The following CORO2B variants were observed in gnomAD, a reference collection of about 807,000 sequenced individuals.
CORO2B encodes coronin 2B.
In CORO2B, 26 loss-of-function variants were observed where a neutral mutation model predicts 58.8. The ratio of observed to expected loss-of-function variants is 0.44; its 90% CI spans 0.32 to 0.61. The LOEUF (loss-of-function observed/expected upper bound fraction) is 0.61. Among genes scored for constraint, CORO2B ranks in the 20% least tolerant of loss-of-function variants. The pLI is 0.04. For missense variants in CORO2B, 460 were observed against 645.1 expected, an observed-to-expected ratio of 0.71 and a Z score of 3.11; for synonymous variants, 242 against 253.8, an observed-to-expected ratio of 0.95 and a Z score of 0.44.
At chr15:68,562,145 T>C in the CORO2B span, among the ~76,000 whole-genome samples, 1 of 152,148 alleles carries the variant, frequency 6.6e-6, no homozygotes, top group African/African-American at 2.4e-5. Flanking sequence ...GGCAGTCCAG[T>C]CTGGAAGAAG....
At chr15:68,626,388 A>AGTGGCGGGCGCC (rs1417328437) in intron 1 of CORO2B, among the ~76,000 whole-genome samples, 1 of 151,630 alleles carries the variant, frequency 6.6e-6, no homozygotes, top group African/African-American at 2.4e-5. Context: ...TTGGCAACTA[A>AGTGGCGGGCGCC]TTTAGAACAT....
Position 68,579,014 on chromosome 15 carries a change from G to C in CORO2B, c.-249G>C. The stretch of plus-strand genomic sequence containing the variant: ...CTTTCTTCCTGCCTCGCCTTCCTGC[G>C]GCGAAGGAGGCTCATCTATTATAAA... On this transcript the variant is annotated 5_prime_UTR_variant, in exon 1 of 12. Transcript: ENST00000261861. 1 of 984,206 alleles carries C rather than the reference G, an allele frequency of 1.0e-6. No individual in the cohort carries two copies. Among genetic ancestry groups the C allele is most frequent in the Non-Finnish European group, 1.2e-6 (1 of 829,672 alleles). 61.0% of individuals were successfully genotyped at this position (984,206 alleles called of 1,614,324 possible).
the CORO2B span, among the ~76,000 whole-genome samples, chr15:68,540,131 C>T: frequency 9.8e-5 from 15 of 152,304 alleles, no homozygotes; most frequent in Non-Finnish European, 1.9e-4. Flanking sequence ...CATTAAAATC[C>T]ATTTGTCAAC....
chr15:68,658,449 A>T (rs1353568563), intron 2 of CORO2B, among the ~76,000 whole-genome samples: 4 of 152,272 alleles, frequency 2.6e-5, no homozygotes, highest in Non-Finnish European at 4.4e-5. Context: ...CCTAGGCCAG[A>T]TAACAACCTG....
At chr15:68,527,821 G>A in the CORO2B span, among the ~76,000 whole-genome samples, 1 of 152,064 alleles carries the variant, frequency 6.6e-6, no homozygotes, top group Non-Finnish European at 1.5e-5. Flanking sequence ...GCAGTATTTT[G>A]TAGTTTTCAA....
intron 2 of CORO2B, among the ~76,000 whole-genome samples, chr15:68,685,754 TTTAA>T (rs1902948743): frequency 2.1e-5 from 1 of 47,294 alleles, no homozygotes; most frequent in Non-Finnish European, 6.5e-5. Flanking sequence ...TAAATTGATA[TTTAA>T]TTGTTTGATT....
the CORO2B span, among the ~76,000 whole-genome samples, chr15:68,573,936 G>A: frequency 1.3e-5 from 2 of 152,126 alleles, no homozygotes; most frequent in African/African-American, 4.8e-5. Flanking sequence ...GATACCTAAG[G>A]AAAGACTGAA....
chr15:68,678,439 C>T (rs373947201), intron 2 of CORO2B, among the ~76,000 whole-genome samples: 1 of 152,032 alleles, frequency 6.6e-6, no homozygotes, highest in Non-Finnish European at 1.5e-5. Flanking sequence ...TTTGGGAGGC[C>T]GACTTGGGCA....
At chr15:68,533,507 T>C in the CORO2B span, among the ~76,000 whole-genome samples, 4 of 152,290 alleles carry the variant, frequency 2.6e-5, no homozygotes, top group Admixed American at 6.5e-5. Context: ...GACTCACCAA[T>C]GTTGTTGACA....
intron 3 of CORO2B, among the ~76,000 whole-genome samples, chr15:68,696,495 G>A (rs981261936): frequency 1.5e-4 from 23 of 149,310 alleles, no homozygotes; most frequent in Admixed American, 1.3e-3. Flanking sequence ...GTTGCAGTGA[G>A]CTGAGATCGT....
chr15:68,525,862 G>A, the CORO2B span, among the ~76,000 whole-genome samples: 1 of 152,140 alleles, frequency 6.6e-6, no homozygotes, highest in African/African-American at 2.4e-5. Context: ...TCAAAATCAA[G>A]ATATAAAACA....
Position 68,645,345 on chromosome 15 carries a change from C to T in CORO2B, c.201C>T (p.Val67=). The T allele has an allele frequency of 1.9e-6, 3 of 1,611,630 alleles. No individual in the cohort carries two copies. The highest frequency in any genetic ancestry group is 2.5e-6 in the Non-Finnish European group (3 of 1,179,980). The change falls in exon 2 of 12, where the codon GTC becomes GTT. Residue 67 remains valine (V), a synonymous_variant. Transcript: ENST00000261861. This position sits in a 1 kb window ranked among gnomAD's most constrained non-coding sequence, Gnocchi z 4.5. ...GCGCAGGGGGCGGCTCCTTCCTCGT[C>T]ATCCCCCTGGAGCAGGTAGGTGGCC... is the stretch of plus-strand genomic sequence containing the variant. ...TESAGGGSFL[V]IPLEQTGRIE... is the part of the protein sequence containing the mutation.
chr15:68,632,192 C>T (rs1900857379), intron 1 of CORO2B: 4 of 985,450 alleles, frequency 4.1e-6, no homozygotes, highest in Non-Finnish European at 3.6e-6. Context: ...TGTGGCATAA[C>T]TCCTTGGGCG....
At chr15:68,723,112 C>T (rs1893203501) in intron 11 of CORO2B, among the ~76,000 whole-genome samples, 1 of 128,502 alleles carries the variant, frequency 7.8e-6, no homozygotes, top group Admixed American at 9.8e-5. Context: ...ATGATACATA[C>T]ATTCTTTTTT....
At chr15:68,724,036 T>C (rs964774499) in intron 11 of CORO2B, among the ~76,000 whole-genome samples, 8 of 151,974 alleles carry the variant, frequency 5.3e-5, no homozygotes, top group Non-Finnish European at 1.2e-4. Flanking sequence ...ACCCCGTCTC[T>C]ACTAAAAATA....
Position 68,727,601 on chromosome 15 carries a change from CT to C in CORO2B, c.*1630del, listed in dbSNP as rs1178312368. The C allele has an allele frequency of 1.3e-5, 2 of 152,692 alleles. No individual in the cohort carries two copies. Among genetic ancestry groups the C allele is most frequent in the African/African-American group, 4.8e-5 (2 of 41,444 alleles). 9.5% of individuals were successfully genotyped at this position (152,692 alleles called of 1,614,324 possible). On this transcript the variant is annotated 3_prime_UTR_variant, in exon 12 of 12. Coordinates refer to ENST00000261861, the MANE Select transcript of CORO2B (RefSeq NM_006091.5). The stretch of plus-strand genomic sequence containing the variant: ...CCCCTCCAGGTGAGCTGGGCCTTTC[CT>C]TTATGAACCTCCATCCTCCCAGCCA...
At chr15:68,530,354 A>G in the CORO2B span, among the ~76,000 whole-genome samples, 1 of 152,074 alleles carries the variant, frequency 6.6e-6, no homozygotes, top group Non-Finnish European at 1.5e-5. Context: ...ATATGTATAT[A>G]TATGTATGCT....
At chr15:68,725,234 T>G (rs920163998) in intron 11 of CORO2B, among the ~76,000 whole-genome samples, 1 of 151,996 alleles carries the variant, frequency 6.6e-6, no homozygotes, top group Non-Finnish European at 1.5e-5. Context: ...CCAGGCATGG[T>G]GGCACATGCC....
chr15:68,688,274 A>G (rs1903054887), intron 2 of CORO2B, among the ~76,000 whole-genome samples: 1 of 152,178 alleles, frequency 6.6e-6, no homozygotes. Context: ...AACTATTCAG[A>G]TGTTGTCACT....
Sources: allele counts gnomAD v4.1 joint callset (sites outside exome capture counted in the v4.1 genomes callset), GRCh38; gene constraint gnomAD v4.1.1; non-coding constraint Gnocchi (gnomAD v3.1); transcripts MANE v1.5; gene names NCBI Gene and HGNC (gene_info 2026-07-23, HGNC 2026-07-21).